The following PARP8 variants were observed in gnomAD, a reference collection of about 807,000 sequenced individuals.
The protein encoded by PARP8 is poly(ADP-ribose) polymerase family member 8.
PARP8 carries 51 observed loss-of-function variants against 124.1 expected under a neutral mutation model. That is an observed-to-expected ratio of 0.41 (90% confidence interval 0.33 to 0.52). The LOEUF (loss-of-function observed/expected upper bound fraction) is 0.52, where lower values mean the gene tolerates loss of function less well. Among genes scored for constraint, PARP8 ranks in the 20% least tolerant of loss-of-function variants. The probability of loss-of-function intolerance (pLI) is 0.21; values close to 1 mark genes in which losing one functional copy is unlikely to be tolerated. For missense variants in PARP8, 860 were observed against 1,018.9 expected (o/e 0.84, Z 2.12); for synonymous variants, 391 against 361.5 (o/e 1.08, Z -0.93).
At position 50,834,888 on chromosome 5, in the gene PARP8, T is replaced by C. The variant is rs1439797035; in HGVS notation, c.2378-43T>C. 4 of 1,523,676 alleles carry C rather than the reference T, an allele frequency of 2.6e-6. No homozygotes were observed. In the African/African-American group the frequency reaches 5.5e-5, roughly 21 times the overall value. The allele number at this position is 1,523,676 out of a possible 1,614,324, so 94.4% of individuals were successfully genotyped here. ...TTAAGTCGGAATGGACTAGGATTCC[T>C]TTAGAATAAAGTGGTTCTTTAATTT... On this transcript the variant is annotated intron_variant, in intron 24 of 25. Transcript: ENST00000281631.
chr5:50,843,973 T>C lies in PARP8; in HGVS notation c.*1905T>C, dbSNP rs1748419866. On this transcript the variant is annotated 3_prime_UTR_variant, in exon 26 of 26. Coordinates refer to ENST00000281631, the MANE Select transcript of PARP8 (RefSeq NM_024615.4). The stretch of plus-strand genomic sequence containing the variant: ...GACCACTGAGGCACCTCCAATAAGC[T>C]CTGTAGAGTGCCTCCAGCATAATTC... 1 of 151,784 alleles carries C rather than the reference T, an allele frequency of 6.6e-6. No individual in the cohort carries two copies. The allele number at this position is 151,784 out of a possible 1,614,324, so 9.4% of individuals were successfully genotyped here. A position where few individuals can be genotyped will look rare whatever the true frequency, so the allele number is the denominator to read the frequency against.
At chr5:50,722,135 A>C (rs1256718300) in intron 2 of PARP8, among the ~76,000 whole-genome samples, 1 of 152,074 alleles carries the variant, frequency 6.6e-6, no homozygotes, top group Non-Finnish European at 1.5e-5. Context: ...TGGACTGAGT[A>C]GTTGTTTTTG....
chr5:50,765,386 T>C (rs1362500147), intron 7 of PARP8, among the ~76,000 whole-genome samples: 1 of 152,220 alleles, frequency 6.6e-6, no homozygotes, highest in Non-Finnish European at 1.5e-5. Flanking sequence ...CATATTGCCA[T>C]GTATAGATGA....
At chr5:50,753,123 G>A (rs1759443418) in intron 3 of PARP8, among the ~76,000 whole-genome samples, 3 of 151,898 alleles carry the variant, frequency 2.0e-5, no homozygotes, top group Admixed American at 1.3e-4. Flanking sequence ...TTATTTTGAA[G>A]ACAGTTTTTT....
intron 2 of PARP8, among the ~76,000 whole-genome samples, chr5:50,742,235 A>C (rs903600551): frequency 6.6e-6 from 1 of 152,242 alleles, no homozygotes; most frequent in African/African-American, 2.4e-5. Flanking sequence ...TTTGGCTTAA[A>C]AACAAATACA....
chr5:50,793,974 A>C (rs757504482), intron 10 of PARP8, among the ~76,000 whole-genome samples: 1 of 152,090 alleles, frequency 6.6e-6, no homozygotes, highest in Non-Finnish European at 1.5e-5. Context: ...TATTTAAATA[A>C]ATAGTAATCA....
chr5:50,826,102 G>A lies in PARP8; in HGVS notation c.1929-653G>A, dbSNP rs115728540. Among the ~76,000 whole-genome samples, 603 of 151,770 alleles carry A rather than the reference G, an allele frequency of 4.0e-3. 2 individuals are homozygous for A. Among genetic ancestry groups the A allele is most frequent in the African/African-American group, 0.014 (576 of 41,422 alleles). On this transcript the variant is annotated intron_variant, in intron 18 of 25. Transcript: ENST00000281631. ...ATCTAGTTGCTTTCTTTTTTTCCTTGTAGTCAGATGGTTAACTTTTAATTC... is the reference window on the plus strand; with the variant it reads ...ATCTAGTTGCTTTCTTTTTTTCCTTATAGTCAGATGGTTAACTTTTAATTC...
In PARP8 at chr5:50,711,416, C is replaced by T. The variant is rs561718001; in HGVS notation, c.147-38735C>T. On this transcript the variant is annotated intron_variant, in intron 2 of 25. Transcript: ENST00000281631. ...TCCCTCCTCCCCTAACTGATTGATT[C>T]AGGGCTGTCTAGGAACTTCTCTCTG... Among the ~76,000 whole-genome samples the T allele has an allele frequency of 9.2e-5, 14 of 152,208 alleles. 1 individual carries two copies. In the East Asian group the frequency reaches 2.1e-3, roughly 23 times the overall value.
intron 25 of PARP8, 40 bp from the exon 26 acceptor site, chr5:50,841,926 C>G (rs1444827436): frequency 1.4e-6 from 2 of 1,426,238 alleles, no homozygotes; most frequent in South Asian, 2.4e-5. Context: ...ATGCTGCCAT[C>G]TTTTAAAATG....
intron 22 of PARP8, among the ~76,000 whole-genome samples, chr5:50,830,778 A>C (rs1746869561): frequency 2.0e-5 from 3 of 151,992 alleles, no homozygotes; most frequent in Admixed American, 2.0e-4. Context: ...TTTTATATAC[A>C]TATAACTGCA....
intron 14 of PARP8, among the ~76,000 whole-genome samples, chr5:50,814,256 T>C (rs560614809): frequency 2.0e-5 from 3 of 151,940 alleles, no homozygotes; most frequent in Non-Finnish European, 4.4e-5. Context: ...ATGGGGAAAA[T>C]TTAGGGTAAA....
chr5:50,686,099 C>T (rs932253505), intron 2 of PARP8, among the ~76,000 whole-genome samples: 1 of 152,218 alleles, frequency 6.6e-6, no homozygotes, highest in Non-Finnish European at 1.5e-5. Flanking sequence ...TCCAAAGTCT[C>T]ATCCAAGACA....
At chr5:50,696,129 G>A (rs1038491712) in intron 2 of PARP8, among the ~76,000 whole-genome samples, 1 of 152,168 alleles carries the variant, frequency 6.6e-6, no homozygotes, top group African/African-American at 2.4e-5. Context: ...GATATATAAT[G>A]TAGCCTAGGA....
At chr5:50,775,591 T>G (rs953600510) in intron 7 of PARP8, among the ~76,000 whole-genome samples, 12 of 152,200 alleles carry the variant, frequency 7.9e-5, no homozygotes, top group African/African-American at 2.9e-4. Flanking sequence ...ATTTTTTATT[T>G]TTTATTGTAG....
chr5:50,816,963 A>T (rs1170543235), intron 15 of PARP8, among the ~76,000 whole-genome samples: 1 of 152,142 alleles, frequency 6.6e-6, no homozygotes, highest in Non-Finnish European at 1.5e-5. Context: ...CTTACAAGGG[A>T]TATGTTGTAT....
At chr5:50,677,330 AAAGTT>A (rs1750748636) in intron 2 of PARP8, among the ~76,000 whole-genome samples, 5 of 152,104 alleles carry the variant, frequency 3.3e-5, no homozygotes, top group South Asian at 2.1e-4. Flanking sequence ...AAAAAAAAAA[AAAGTT>A]AGTCCCTCCA....
At chr5:50,765,832 G>T (rs1257794370) in intron 7 of PARP8, among the ~76,000 whole-genome samples, 1 of 152,200 alleles carries the variant, frequency 6.6e-6, no homozygotes, top group African/African-American at 2.4e-5. Context: ...TAGGCAGAAG[G>T]TCTTGAAATC....
chr5:50,744,678 A>G (rs778255357), intron 2 of PARP8: 126 of 690,092 alleles, frequency 1.8e-4, no homozygotes, highest in Non-Finnish European at 7.9e-5. Context: ...CCTCAATGTA[A>G]TTAATTGTAA....
intron 2 of PARP8, among the ~76,000 whole-genome samples, chr5:50,738,811 C>T (rs181218069): frequency 3.2e-3 from 491 of 152,010 alleles, no homozygotes; most frequent in Non-Finnish European, 5.5e-3. Flanking sequence ...CCATCCTGGA[C>T]TGCATGTGGG....
Sources: allele counts gnomAD v4.1 joint callset (sites outside exome capture counted in the v4.1 genomes callset), GRCh38; gene constraint gnomAD v4.1.1; transcripts MANE v1.5; gene names NCBI Gene and HGNC (gene_info 2026-07-23, HGNC 2026-07-21).